The following SLCO4A1 variants were observed in gnomAD, a reference collection of about 807,000 sequenced individuals.
The protein encoded by SLCO4A1 is colon organic anion transporter.
Under a neutral mutation model 64.6 loss-of-function variants are expected in SLCO4A1, and 51 were observed. The ratio of observed to expected loss-of-function variants is 0.79; its 90% CI spans 0.63 to 1.00. The LOEUF is 1.00. Among genes scored for constraint, SLCO4A1 ranks in the 50% least tolerant of loss-of-function variants. The probability of loss-of-function intolerance (pLI) is 0.00; values close to 1 mark genes in which losing one functional copy is unlikely to be tolerated. For synonymous variants in SLCO4A1, 471 were observed against 444.9 expected (o/e 1.06, Z -0.74); for missense variants, 919 against 980.5 (o/e 0.94, Z 0.84).
At chr20:62,653,445 T>TA (rs1020625606) in intron 1 of SLCO4A1, among the ~76,000 whole-genome samples, 5 of 152,086 alleles carry the variant, frequency 3.3e-5, no homozygotes, top group Admixed American at 2.0e-4. Context: ...GCCCCTTTAT[T>TA]AAAAAACAAA....
intron 7 of SLCO4A1, 69 bp from the exon 8 acceptor site, chr20:62,667,676 C>A: frequency 6.5e-7 from 1 of 1,535,048 alleles, no homozygotes; most frequent in Non-Finnish European, 8.8e-7. Flanking sequence ...CCATGGCTGA[C>A]CCTGTGCCTG....
At chr20:62,687,544 A>T (rs1416595599), downstream of SLCO4A1, among the ~76,000 whole-genome samples, 1 of 152,234 alleles carries the variant, frequency 6.6e-6, no homozygotes, top group Admixed American at 6.5e-5. Flanking sequence ...GGCAAGGGCC[A>T]CGCCAGGAGG....
At chr20:62,649,685 C>T (rs546556320) in intron 1 of SLCO4A1, 5 of 152,396 alleles carry the variant, frequency 3.3e-5, no homozygotes, top group East Asian at 1.9e-4. Flanking sequence ...TCCTGCACCC[C>T]ATGGCTGTCC....
At chr20:62,688,649 C>T (rs1035516018), downstream of SLCO4A1, among the ~76,000 whole-genome samples, 17 of 152,234 alleles carry the variant, frequency 1.1e-4, no homozygotes, top group African/African-American at 4.1e-4. Flanking sequence ...GCTCCAGAGC[C>T]AGCAGATGGC....
chr20:62,689,861 G>T (rs1988175017), downstream of SLCO4A1, among the ~76,000 whole-genome samples: 1 of 152,230 alleles, frequency 6.6e-6, no homozygotes. Context: ...GGCCGAGGAA[G>T]GGGGTGGACC....
Position 62,644,574 on chromosome 20 carries a change from C to T in SLCO4A1, c.-97+2021C>T, listed in dbSNP as rs1250185574. 6.6e-6 allele frequency among the ~76,000 whole-genome samples: 1 copy of T among 152,250 alleles called. No homozygotes were observed. Among genetic ancestry groups the T allele is most frequent in the Non-Finnish European group, 1.5e-5 (1 of 68,042 alleles). On this transcript the variant is annotated intron_variant, in intron 1 of 11. Coordinates refer to ENST00000217159, the MANE Select transcript of SLCO4A1 (RefSeq NM_016354.4). This position sits in a 1 kb window ranked among gnomAD's most constrained non-coding sequence, Gnocchi z 5.4. ...CTCGGGGCTCTGATGGGCCCCTTGG[C>T]TTGACCAAGCCCCATTGCAGTTTTG...
intron 4 of SLCO4A1, 137 bp from the exon 5 acceptor site, chr20:62,660,927 C>G: frequency 1.6e-6 from 1 of 642,652 alleles, no homozygotes. Context: ...CCCGGGGCTG[C>G]GAGGGCTGCA....
At chr20:62,652,412 G>C (rs751392033) in intron 1 of SLCO4A1, among the ~76,000 whole-genome samples, 10 of 151,704 alleles carry the variant, frequency 6.6e-5, no homozygotes, top group Non-Finnish European at 8.8e-5. Flanking sequence ...TTTCTGTTTC[G>C]GCGGCCGGCG....
At chr20:62,673,172 G>A (rs570062005), downstream of SLCO4A1, among the ~76,000 whole-genome samples, 4 of 142,900 alleles carry the variant, frequency 2.8e-5, no homozygotes, top group East Asian at 2.1e-4. Context: ...CATGGGGGGG[G>A]CACAGAGGGC....
rs991327223 is a variant in SLCO4A1 at position 62,645,917 on chromosome 20, G to T, written c.-97+3364G>T. 6.6e-6 allele frequency among the ~76,000 whole-genome samples: 1 copy of T among 152,096 alleles called. No homozygotes were observed. The highest frequency in any genetic ancestry group is 1.5e-5 in the Non-Finnish European group (1 of 68,026). ...GAGAGCTTGCGATGCTTTGGGTGGC[G>T]TGTGTCGTCCAGTCTGCCCCAGGCT... On this transcript the variant is annotated intron_variant, in intron 1 of 11. Transcript: ENST00000217159. The surrounding 1 kb of genome is among the most constrained non-coding windows in gnomAD (Gnocchi z 4.2).
rs748556344 is a variant in SLCO4A1, at chr20:62,656,799, G to T, written c.345G>T (p.Leu115=). ...TCTTCCTGTGTGCGGCCGCATTCCT[G>T]CAGGGGATGACTGTGAATGGCTTCA... The part of the protein sequence containing the change: ...ILFFLCAAAF[L]QGMTVNGFIN... The change falls in exon 2 of 12, where the codon CTG becomes CTT. Residue 115 remains leucine (L), a synonymous_variant. Transcript: ENST00000217159. 1 of 1,612,910 alleles carries T rather than the reference G, an allele frequency of 6.2e-7. No individual in the cohort carries two copies. Among genetic ancestry groups the T allele is most frequent in the Non-Finnish European group, 8.5e-7 (1 of 1,179,938 alleles).
At position 62,657,156 on chromosome 20, in the gene SLCO4A1, G is replaced by T; in HGVS notation, c.702G>T (p.Gln234His). The change falls in exon 2 of 12, where the codon CAG becomes CAT. Residue 234 changes from glutamine (Q) to histidine (H), a missense_variant. Physicochemically the swap from Gln to His is conservative, Grantham distance 24 (BLOSUM62 0). Transcript: ENST00000217159. ...SRYQLVFMLG[Q>H]FLHGVGATPL... ...ACCAGCTGGTCTTCATGCTGGGCCA[G>T]TTCCTGCATGGCGTGGGTGCCACAC... is the stretch of plus-strand genomic sequence containing the variant. The T allele has an allele frequency of 6.4e-7, 1 of 1,560,224 alleles. No individual in the cohort carries two copies. Among genetic ancestry groups the T allele is most frequent in the South Asian group, 1.2e-5 (1 of 85,804 alleles).
At position 62,661,030 on chromosome 20, in the gene SLCO4A1, G is replaced by GGCCCCCCCCCCCCCCCCCCCCCCCCCCCC; in HGVS notation, c.1010-34_1010-33insGCCCCCCCCCCCCCCCCCCCCCCCCCCCC. The GGCCCCCCCCCCCCCCCCCCCCCCCCCCCC allele has an allele frequency of 1.9e-6, 1 of 518,136 alleles. No homozygotes were observed. Among genetic ancestry groups the GGCCCCCCCCCCCCCCCCCCCCCCCCCCCC allele is most frequent in the African/African-American group, 1.9e-5 (1 of 51,650 alleles). 32.1% of individuals were successfully genotyped at this position (518,136 alleles called of 1,614,324 possible). The stretch of plus-strand genomic sequence containing the variant: ...AGAAGTCCACCTCCGGGAGCCCCCA[G>GGCCCCCCCCCCCCCCCCCCCCCCCCCCCC]CCCCCAGCCCCAGCTCACTCTGTGC... On this transcript the variant is annotated intron_variant, in intron 4 of 11. Transcript: ENST00000217159. This position sits in a 1 kb window ranked among gnomAD's most constrained non-coding sequence, Gnocchi z 5.2.
chr20:62,657,564 G>C (rs1484911263), intron 2 of SLCO4A1, among the ~76,000 whole-genome samples: 1 of 152,254 alleles, frequency 6.6e-6, no homozygotes, highest in Non-Finnish European at 1.5e-5. Context: ...ACTAGGCGCT[G>C]GGTGGCACCA....
intron 2 of SLCO4A1, among the ~76,000 whole-genome samples, chr20:62,678,330 G>A (rs2147114066): frequency 6.6e-6 from 1 of 152,286 alleles, no homozygotes; most frequent in East Asian, 1.9e-4. Flanking sequence ...AATGCCAAGT[G>A]CTGATGAGGA....
In SLCO4A1 at chr20:62,645,176, G is replaced by A. The variant is rs574023641; in HGVS notation, c.-97+2623G>A. Among the ~76,000 whole-genome samples, 62 of 152,298 alleles carry A rather than the reference G, an allele frequency of 4.1e-4. No homozygotes were observed. Among genetic ancestry groups the A allele is most frequent in the South Asian group, 1.4e-3 (7 of 4,828 alleles). The stretch of plus-strand genomic sequence containing the variant: ...AGGATCTGGGTCTTGCCCACTTGTT[G>A]GAATGGGCACGTGGGGATTGCACCC... On this transcript the variant is annotated intron_variant, in intron 1 of 11. Coordinates refer to ENST00000217159, the MANE Select transcript of SLCO4A1 (RefSeq NM_016354.4). This position sits in a 1 kb window ranked among gnomAD's most constrained non-coding sequence, Gnocchi z 4.2.
intron 1 of SLCO4A1, among the ~76,000 whole-genome samples, 169 bp downstream of exon 1, chr20:62,642,722 G>A (rs1980590472): frequency 6.6e-6 from 1 of 152,094 alleles, no homozygotes; most frequent in Non-Finnish European, 1.5e-5. Context: ...CTCCGCGGGG[G>A]AGGGCAGGAC....
chr20:62,658,374 G>A (rs1179824416), intron 2 of SLCO4A1, among the ~76,000 whole-genome samples: 1 of 152,244 alleles, frequency 6.6e-6, no homozygotes, highest in Non-Finnish European at 1.5e-5. Context: ...CCTAATTCCT[G>A]CCAGTGTCCA....
intron 1 of SLCO4A1, among the ~76,000 whole-genome samples, chr20:62,646,967 C>A (rs1326626253): frequency 2.0e-5 from 3 of 152,248 alleles, no homozygotes; most frequent in African/African-American, 7.2e-5. Flanking sequence ...GGGACAGGTC[C>A]TTCTGGGCTG....
Sources: allele counts gnomAD v4.1 joint callset (sites outside exome capture counted in the v4.1 genomes callset), GRCh38; gene constraint gnomAD v4.1.1; non-coding constraint Gnocchi (gnomAD v3.1); transcripts MANE v1.5; gene names NCBI Gene and HGNC (gene_info 2026-07-23, HGNC 2026-07-21).